Variants in SYT9 observed in about 807,000 individuals in gnomAD.
SYT9 encodes the protein synaptotagmin-9.
In SYT9, 22 loss-of-function variants were observed where a neutral mutation model predicts 48.4. The observed-to-expected ratio is 0.45, with a 90% confidence interval of 0.32 to 0.65. The LOEUF (loss-of-function observed/expected upper bound fraction) is 0.65. Among genes scored for constraint, SYT9 ranks in the 30% least tolerant of loss-of-function variants. SYT9 has a pLI of 0.03. For missense variants in SYT9, 577 were observed against 622.0 expected (o/e 0.93, Z 0.77); for synonymous variants, 265 against 245.0 (o/e 1.08, Z -0.76).
In SYT9 at chr11:7,238,857, G is replaced by A. The variant is rs988477625; in HGVS notation, c.-11G>A. Reference sequence around the variant, plus strand: ...AGAATGATATGAAGAAGCCAGTAATGCAGAGAACAAATGCTGGCGAAGGTG... The same window carrying A: ...AGAATGATATGAAGAAGCCAGTAATACAGAGAACAAATGCTGGCGAAGGTG... On this transcript the variant is annotated 5_prime_UTR_variant and NMD_transcript_variant, in exon 1 of 9. Transcript: ENST00000524820. 2.2e-5 allele frequency: 10 copies of A among 455,900 alleles called. No individual in the cohort carries two copies. The Admixed American group carries it at 2.4e-4, about 11-fold the overall frequency. 28.2% of individuals were successfully genotyped at this position (455,900 alleles called of 1,614,324 possible). A position where few individuals can be genotyped will look rare whatever the true frequency, so the allele number is the denominator to read the frequency against.
intron 6 of SYT9, among the ~76,000 whole-genome samples, chr11:7,421,045 T>C (rs1459840273): frequency 6.6e-6 from 1 of 152,168 alleles, no homozygotes; most frequent in Non-Finnish European, 1.5e-5. Context: ...CAACCTGTGA[T>C]TCTGGGCAAG....
intron 3 of SYT9, among the ~76,000 whole-genome samples, chr11:7,330,300 A>C (rs1316424345): frequency 6.6e-6 from 1 of 152,200 alleles, no homozygotes; most frequent in East Asian, 1.9e-4. Context: ...AGCAAGACTC[A>C]AAAATCTACG....
rs10839776 is a variant in SYT9 at position 7,407,375 on chromosome 11, T to A, written c.1045-8667T>A. On this transcript the variant is annotated intron_variant, in intron 3 of 6. Coordinates refer to ENST00000318881, the MANE Select transcript of SYT9 (RefSeq NM_175733.4). The stretch of plus-strand genomic sequence containing the variant: ...TAAGTCTATAATTTTTTTTTTTTTT[T>A]TTTTTTTTTTTTTTTTGAGACGGAG... Among the ~76,000 whole-genome samples, 223 of 44,006 alleles carry A rather than the reference T, an allele frequency of 5.1e-3. 4 individuals are homozygous for A. Among genetic ancestry groups the A allele is most frequent in the African/African-American group, 0.021 (46 of 2,188 alleles). 28.9% of individuals were successfully genotyped at this position (44,006 alleles called of 152,430 possible). A position where few individuals can be genotyped will look rare whatever the true frequency, so the allele number is the denominator to read the frequency against.
chr11:7,338,820 G>T (rs1018969405), intron 3 of SYT9, among the ~76,000 whole-genome samples: 1 of 152,102 alleles, frequency 6.6e-6, no homozygotes, highest in East Asian at 1.9e-4. Context: ...TATATATTCT[G>T]TTTTTGAGTG....
At chr11:7,333,700 A>G (rs985416740) in intron 3 of SYT9, among the ~76,000 whole-genome samples, 4 of 152,234 alleles carry the variant, frequency 2.6e-5, no homozygotes, top group African/African-American at 9.6e-5. Flanking sequence ...TGAATTTTGC[A>G]TGAGTGGGCT....
intron 3 of SYT9, among the ~76,000 whole-genome samples, chr11:7,357,277 T>G (rs1850038938): frequency 6.6e-6 from 1 of 152,156 alleles, no homozygotes. Flanking sequence ...TTACCTATTA[T>G]GTAAAAAAGA....
intron 1 of SYT9, among the ~76,000 whole-genome samples, chr11:7,275,139 G>A (rs1355965555): frequency 6.6e-6 from 1 of 152,014 alleles, no homozygotes; most frequent in African/African-American, 2.4e-5. Flanking sequence ...TTCTGGGTGT[G>A]CTCCTTGTCC....
chr11:7,291,452 A>G (rs1184571375), intron 1 of SYT9, among the ~76,000 whole-genome samples: 2 of 152,210 alleles, frequency 1.3e-5, no homozygotes, highest in Non-Finnish European at 2.9e-5. Flanking sequence ...TTTTACAATC[A>G]TAGAATTATA....
At chr11:7,407,363 T>TATC (rs1564892780) in intron 3 of SYT9, among the ~76,000 whole-genome samples, 412 of 27,068 alleles carry the variant, frequency 0.015, 31 homozygotes, top group African/African-American at 0.033. Context: ...GTCTATAATT[T>TATC]TTTTTTTTTT....
chr11:7,396,545 TC>T (rs1846756088), intron 3 of SYT9, among the ~76,000 whole-genome samples: 1 of 152,166 alleles, frequency 6.6e-6, no homozygotes, highest in African/African-American at 2.4e-5. Context: ...TCAGTTTGGG[TC>T]AGAACAATGA....
intron 2 of SYT9, 86 bp from the exon 3 acceptor site, chr11:7,313,309 A>T: frequency 7.3e-7 from 1 of 1,368,624 alleles, no homozygotes; most frequent in Non-Finnish European, 9.8e-7. Context: ...AAAATATAAC[A>T]GTCTACCTAC....
At chr11:7,369,985 T>G (rs1850332475) in intron 3 of SYT9, among the ~76,000 whole-genome samples, 1 of 152,190 alleles carries the variant, frequency 6.6e-6, no homozygotes, top group South Asian at 2.1e-4. Context: ...TGTGAGATTT[T>G]GGTGCACTCA....
At chr11:7,444,996 G>A (rs993801617) in intron 6 of SYT9, among the ~76,000 whole-genome samples, 2 of 152,128 alleles carry the variant, frequency 1.3e-5, no homozygotes, top group Admixed American at 1.3e-4. Context: ...GAGAGAGTGT[G>A]GTATTTAAAA....
chr11:7,362,691 T>C (rs1850165982), intron 3 of SYT9, among the ~76,000 whole-genome samples: 1 of 151,834 alleles, frequency 6.6e-6, no homozygotes, highest in South Asian at 2.1e-4. Flanking sequence ...GAACTTTTGG[T>C]TAGTACTTAT....
intron 1 of SYT9, among the ~76,000 whole-genome samples, chr11:7,274,682 C>T (rs1848355558): frequency 6.6e-6 from 1 of 152,184 alleles, no homozygotes; most frequent in East Asian, 1.9e-4. Context: ...GGGCCCTTCT[C>T]TTCATCACTA....
At chr11:7,400,765 G>A (rs1412188830) in intron 3 of SYT9, among the ~76,000 whole-genome samples, 1 of 152,090 alleles carries the variant, frequency 6.6e-6, no homozygotes, top group Non-Finnish European at 1.5e-5. Context: ...CTCATCCCGA[G>A]AGAAGCCACC....
chr11:7,319,938 A>G (rs1052754187), intron 3 of SYT9, among the ~76,000 whole-genome samples: 1 of 152,182 alleles, frequency 6.6e-6, no homozygotes, highest in African/African-American at 2.4e-5. Flanking sequence ...CTACACATTA[A>G]GAAGAATTTT....
chr11:7,292,486 C>T (rs1282858921), intron 1 of SYT9, among the ~76,000 whole-genome samples: 1 of 152,224 alleles, frequency 6.6e-6, no homozygotes, highest in Non-Finnish European at 1.5e-5. Flanking sequence ...CCCAAAGTCT[C>T]ACAGCAGGCC....
chr11:7,365,241 C>G (rs1284664337), intron 3 of SYT9, among the ~76,000 whole-genome samples: 1 of 151,588 alleles, frequency 6.6e-6, no homozygotes, highest in Non-Finnish European at 1.5e-5. Context: ...GAAATGGGAA[C>G]AAATGATTCG....
Sources: allele counts gnomAD v4.1 joint callset (sites outside exome capture counted in the v4.1 genomes callset), GRCh38; gene constraint gnomAD v4.1.1; transcripts MANE v1.5; gene names NCBI Gene and HGNC (gene_info 2026-07-23, HGNC 2026-07-21).